ALDH7A1: variants seen among roughly 807,000 people sequenced by gnomAD.
ALDH7A1 encodes alpha-aminoadipic semialdehyde dehydrogenase.
A neutral mutation model predicts 79.9 loss-of-function variants in ALDH7A1; 63 were observed. The ratio of observed to expected loss-of-function variants is 0.79; its 90% confidence interval spans 0.64 to 0.97. ALDH7A1 has a LOEUF of 0.97. ALDH7A1 is among the 50% of genes least tolerant of loss of function. The pLI, the probability that ALDH7A1 is intolerant of heterozygous loss-of-function variation, is 0.00. For synonymous variants in ALDH7A1, 240 were observed against 231.2 expected (o/e 1.04, Z -0.34); for missense variants, 627 against 665.2 (o/e 0.94, Z 0.63).
chr5:126,573,554 C>T (rs1166113857), intron 7 of ALDH7A1, among the ~76,000 whole-genome samples: 2 of 151,782 alleles, frequency 1.3e-5, no homozygotes, highest in Admixed American at 6.6e-5. Flanking sequence ...AAAAATTAGC[C>T]GGGCGTGGTG....
chr5:126,573,116 CAAAA>C (rs11290126), intron 7 of ALDH7A1, among the ~76,000 whole-genome samples: 36 of 95,158 alleles, frequency 3.8e-4, no homozygotes, highest in East Asian at 6.2e-4. Context: ...CCATTTAAAG[CAAAA>C]AAAAAAAAAA....
At chr5:126,557,570 A>T (rs1750239706) in intron 11 of ALDH7A1, among the ~76,000 whole-genome samples, 1 of 151,454 alleles carries the variant, frequency 6.6e-6, no homozygotes, top group East Asian at 2.0e-4. Context: ...TGGCCAACAG[A>T]GAGAGACTCC....
intron 5 of ALDH7A1, among the ~76,000 whole-genome samples, chr5:126,580,376 C>T (rs1173212808): frequency 1.3e-5 from 2 of 151,996 alleles, no homozygotes; most frequent in Non-Finnish European, 2.9e-5. Context: ...GGATTACAGG[C>T]GTGAGCCACC....
chr5:126,545,791 C>CA (rs561880588), intron 17 of ALDH7A1, among the ~76,000 whole-genome samples: 4,759 of 128,088 alleles, frequency 0.037, 235 homozygotes, highest in African/African-American at 0.12. Context: ...GACTCCATCT[C>CA]AAAAAAAAAA....
intron 7 of ALDH7A1, among the ~76,000 whole-genome samples, chr5:126,572,365 G>C (rs1011580564): frequency 1.3e-5 from 2 of 152,122 alleles, no homozygotes; most frequent in African/African-American, 4.8e-5. Context: ...AGGGACTCCG[G>C]GTGTCTATAT....
chr5:126,578,540 G>A (rs1040931946), intron 5 of ALDH7A1, among the ~76,000 whole-genome samples: 4 of 151,370 alleles, frequency 2.6e-5, no homozygotes, highest in Admixed American at 1.3e-4. Context: ...CTACTTGGGA[G>A]GCTGAGGAGA....
intron 4 of ALDH7A1, among the ~76,000 whole-genome samples, chr5:126,583,218 T>C (rs555835780): frequency 1.3e-5 from 2 of 152,212 alleles, no homozygotes; most frequent in Non-Finnish European, 2.9e-5. Flanking sequence ...CAGTGGCTCA[T>C]GCCTATAATC....
At chr5:126,587,323 A>G (rs1453317779) in intron 3 of ALDH7A1, 2 of 152,172 alleles carry the variant, frequency 1.3e-5, no homozygotes, top group Non-Finnish European at 2.9e-5. Flanking sequence ...TTTTCCTTAA[A>G]GAAAAATGTT....
In ALDH7A1 at chr5:126,568,296, C is replaced by G. The variant is rs201948406; in HGVS notation, c.834G>C (p.Val278=). ...GCACCATCAGGCCCACCTGTTTTCC[C>G]ACCTGAGTGCTCCCAGTGAAGGACA... The part of the protein sequence containing the change: ...NLLSFTGSTQ[V]GKQVGLMVQE... Residue 278 remains valine, a synonymous_variant, in exon 9 of 18, where the codon GTG becomes GTC. Coordinates refer to ENST00000409134, the MANE Select transcript of ALDH7A1 (RefSeq NM_001182.5). 2.5e-6 allele frequency: 4 copies of G among 1,614,174 alleles called. No individual in the cohort carries two copies. Among genetic ancestry groups the G allele is most frequent in the Non-Finnish European group, 3.4e-6 (4 of 1,180,012 alleles).
rs1427623109 is a variant in ALDH7A1, at chr5:126,559,892, T to C, written c.914-558A>G. ...CTTTACCCAGATATACAAGGGTAAA[T>C]TGAGGCTCTCACTCCTCTGGCCTCT... On this transcript the variant is annotated intron_variant, in intron 10 of 17. Transcript: ENST00000409134. Among the ~76,000 whole-genome samples the C allele has an allele frequency of 3.3e-5, 5 of 152,052 alleles. No individual in the cohort carries two copies. In the South Asian group the frequency reaches 8.4e-4, roughly 25 times the overall value.
intron 11 of ALDH7A1, 32 bp from the exon 12 acceptor site, chr5:126,556,047 A>G: frequency 7.0e-7 from 1 of 1,434,734 alleles, no homozygotes; most frequent in South Asian, 1.1e-5. Context: ...AGGGCATAGT[A>G]TGATAAATGC....
chr5:126,577,989 A>G (rs1317496052), intron 5 of ALDH7A1, among the ~76,000 whole-genome samples: 1 of 150,994 alleles, frequency 6.6e-6, no homozygotes, highest in African/African-American at 2.4e-5. Context: ...TATGTTGAAT[A>G]AATGAATTAT....
intron 17 of ALDH7A1, among the ~76,000 whole-genome samples, 168 bp from the exon 18 acceptor site, chr5:126,545,187 G>C (rs564891046): frequency 1.3e-5 from 2 of 152,082 alleles, no homozygotes; most frequent in African/African-American, 2.4e-5. Context: ...TATGGATCCC[G>C]TTTTATTTAA....
chr5:126,561,857 A>G (rs1280109256), intron 9 of ALDH7A1: 1 of 152,192 alleles, frequency 6.6e-6, no homozygotes, highest in Non-Finnish European at 1.5e-5. Context: ...GCTGGGCATG[A>G]TAGTGTCTGC....
chr5:126,580,015 G>A (rs1316273360), intron 5 of ALDH7A1: 1 of 167,490 alleles, frequency 6.0e-6, no homozygotes, highest in Non-Finnish European at 1.5e-5. Context: ...TTGTGAGGCA[G>A]GCATCATAGT....
rs199508859 is a variant in ALDH7A1, at chr5:126,590,182, C to T, written c.312+2482G>A. 3.9e-4 allele frequency among the ~76,000 whole-genome samples: 59 copies of T among 151,666 alleles called. No individual in the cohort carries two copies. In the East Asian group the frequency reaches 0.011, roughly 29 times the overall value. ...CACCCTGTCTGGGAAGTGAAGAGCG[C>T]CTCTGCCCGGCCACCGCCCTGTCTG... On this transcript the variant is annotated intron_variant, in intron 3 of 17. Coordinates refer to ENST00000409134, the MANE Select transcript of ALDH7A1 (RefSeq NM_001182.5).
intron 9 of ALDH7A1, chr5:126,567,900 C>A (rs1272236351): frequency 6.5e-6 from 2 of 306,840 alleles, no homozygotes; most frequent in African/African-American, 4.3e-5. Flanking sequence ...TCTCTTGCCT[C>A]AGCCTCCCGA....
intron 9 of ALDH7A1, among the ~76,000 whole-genome samples, chr5:126,563,457 C>G (rs1750467589): frequency 6.6e-6 from 1 of 152,148 alleles, no homozygotes; most frequent in African/African-American, 2.4e-5. Flanking sequence ...CATTGCCAAC[C>G]TATATTCTAG....
In ALDH7A1 at chr5:126,559,347, C is replaced by G. The variant is rs148928130; in HGVS notation, c.914-13G>C. 5 of 1,601,084 alleles carry G rather than the reference C, an allele frequency of 3.1e-6. No homozygotes were observed. The Admixed American group carries it at 6.7e-5, about 21-fold the overall frequency. The stretch of plus-strand genomic sequence containing the variant: ...GCATCTTCAAAGGCTTAGGAAAGCA[C>G]AAACACTTCCATCAGCGAACCAAAA... On this transcript the variant is annotated splice_polypyrimidine_tract_variant and intron_variant, in intron 10 of 17. Coordinates refer to ENST00000409134, the MANE Select transcript of ALDH7A1 (RefSeq NM_001182.5).
Sources: gnomAD v4.1 joint callset for allele counts (sites outside exome capture counted in the v4.1 genomes callset) on GRCh38, gnomAD v4.1.1 for gene constraint, MANE v1.5 for transcripts, NCBI Gene and HGNC (gene_info 2026-07-23, HGNC 2026-07-21) for gene names.